The following HDAC5 variants were observed in gnomAD, a reference collection of about 807,000 sequenced individuals.
HDAC5 encodes the protein histone deacetylase 5, also known as antigen NY-CO-9.
Under a neutral mutation model 133.3 loss-of-function variants are expected in HDAC5, and 25 were observed. The ratio of observed to expected loss-of-function variants is 0.19; its 90% CI spans 0.14 to 0.26. The LOEUF is 0.26. HDAC5 is among the 10% of genes least tolerant of loss of function. HDAC5 has a pLI of 1.00. For missense variants in HDAC5, 1,041 were observed against 1,460.5 expected (o/e 0.71, Z 4.68); for synonymous variants, 589 against 610.8 (o/e 0.96, Z 0.53).
At chr17:44,115,288 C>T (rs766504472) in intron 2 of HDAC5, among the ~76,000 whole-genome samples, 2 of 152,174 alleles carry the variant, frequency 1.3e-5, no homozygotes, top group Admixed American at 1.3e-4. Flanking sequence ...AGGTGGGAGG[C>T]GCTCAGGGGC....
chr17:44,078,487 G>C lies in HDAC5; in HGVS notation c.3329+13C>G. On this transcript the variant is annotated intron_variant, in intron 26 of 26. Transcript: ENST00000682912. ...GGGGTGAGGGCAGAGAGGTGGTGCG[G>C]GTTGCTGCTTACCTGGGGCTGTGTT... The C allele has an allele frequency of 1.9e-6, 3 of 1,600,526 alleles. No homozygotes were observed. Among genetic ancestry groups the C allele is most frequent in the Non-Finnish European group, 2.6e-6 (3 of 1,172,360 alleles).
Position 44,085,082 on chromosome 17 carries a change from A to G in HDAC5, c.2124T>C (p.Ala708=). The change falls in exon 15 of 27, where the codon GCT becomes GCC. Residue 708 remains alanine (A), a synonymous_variant. Transcript: ENST00000682912. The part of the protein sequence containing the change: ...CGNTHVHPEH[A]GRIQSIWSRL... ...GGGACCAGATGCTCTGGATCCGGCC[A>G]GCATGCTCAGGGTGCACGTGTGTGT... 1.2e-6 allele frequency: 2 copies of G among 1,603,324 alleles called. No homozygotes were observed. The highest frequency in any genetic ancestry group is 1.7e-6 in the Non-Finnish European group (2 of 1,171,052).
chr17:44,083,830 G>A lies in HDAC5; in HGVS notation c.2330C>T (p.Ala777Val). 6.2e-7 allele frequency: 1 copy of A among 1,607,640 alleles called. No homozygotes were observed. The highest frequency in any genetic ancestry group is 8.5e-7 in the Non-Finnish European group (1 of 1,176,630). ...CCCGATGCCCCCACAAGGCAGCACA[G>A]CATACATCTTCTGGCTGATGGGGCC... ...LLGPISQKMYAVLPCGGIGVD... is the reference protein window; with the variant it reads ...LLGPISQKMYVVLPCGGIGVD... The change falls in exon 17 of 27, where the codon GCT (alanine) becomes GTT (valine). Residue 777 changes from alanine (A) to valine (V), a missense_variant. By Grantham distance (64) the Ala-to-Val change is moderately conservative. Coordinates refer to ENST00000682912, the MANE Select transcript of HDAC5 (RefSeq NM_005474.5).
At chr17:44,080,982 C>T in intron 20 of HDAC5, 100 bp from the exon 21 acceptor site, 1 of 1,529,918 alleles carries the variant, frequency 6.5e-7, no homozygotes, top group Non-Finnish European at 9.0e-7. Flanking sequence ...GCCTGTAATC[C>T]TAGCATTTTG....
intron 20 of HDAC5, chr17:44,081,580 CTTTTTTTTTT>C (rs36005901): frequency 7.9e-6 from 1 of 127,132 alleles, no homozygotes; most frequent in African/African-American, 2.9e-5. Context: ...TCTTTTCTTT[CTTTTTTTTTT>C]TTTTTTGAGA....
chr17:44,090,438 G>A (rs868790870), intron 11 of HDAC5, among the ~76,000 whole-genome samples: 3 of 151,980 alleles, frequency 2.0e-5, no homozygotes, highest in Admixed American at 1.3e-4. Context: ...GCAATGGAGC[G>A]ATCTCGGCTC....
intron 1 of HDAC5, among the ~76,000 whole-genome samples, chr17:44,122,678 C>T (rs548180830): frequency 6.6e-6 from 1 of 152,254 alleles, no homozygotes; most frequent in Non-Finnish European, 1.5e-5. Flanking sequence ...TAATTACTTA[C>T]ACCCAGCCAG....
Position 44,092,709 on chromosome 17 carries a change from C to A in HDAC5, c.739G>T (p.Asp247Tyr). ...SYKLPLPGPY[D>Y]SRDDFPLRKT... Reference sequence around the variant, plus strand: ...CGGAGGGGGAAGTCGTCTCGACTGTCGTAGGGCCCAGGCAAAGGCAGTTTG... The same window carrying A: ...CGGAGGGGGAAGTCGTCTCGACTGTAGTAGGGCCCAGGCAAAGGCAGTTTG... Residue 247 changes from aspartate (D) to tyrosine (Y), a missense_variant, in exon 7 of 27, where the codon GAC becomes TAC. This residue lies in a region of HDAC5 where 56 missense variants were observed against 41.3 expected (regional missense o/e 1.36). Transcript: ENST00000682912. 1 of 1,502,824 alleles carries A rather than the reference C, an allele frequency of 6.7e-7. No individual in the cohort carries two copies. The highest frequency in any genetic ancestry group is 8.9e-7 in the Non-Finnish European group (1 of 1,124,810). 93.1% of individuals were successfully genotyped at this position (1,502,824 alleles called of 1,614,324 possible). A position where few individuals can be genotyped will look rare whatever the true frequency, so the allele number is the denominator to read the frequency against.
chr17:44,097,556 T>G (rs2051346884), intron 3 of HDAC5, among the ~76,000 whole-genome samples: 1 of 152,242 alleles, frequency 6.6e-6, no homozygotes, highest in African/African-American at 2.4e-5. Flanking sequence ...GGCAGCCAGC[T>G]CAGGTCTCCC....
intron 1 of HDAC5, chr17:44,120,335 G>A (rs1291249330): frequency 6.6e-6 from 1 of 152,188 alleles, no homozygotes; most frequent in Non-Finnish European, 1.5e-5. Context: ...CAACACACCT[G>A]CTCTGGCCCC....
intron 14 of HDAC5, 31 bp downstream of exon 14, chr17:44,086,541 C>T: frequency 7.8e-7 from 1 of 1,288,996 alleles, no homozygotes; most frequent in Non-Finnish European, 9.9e-7. Flanking sequence ...TGGTGCCTGG[C>T]AGAAGGACCT....
intron 14 of HDAC5, among the ~76,000 whole-genome samples, chr17:44,085,801 C>T (rs1362051543): frequency 3.3e-5 from 5 of 152,096 alleles, no homozygotes; most frequent in Non-Finnish European, 7.4e-5. Context: ...TGCACCCAAC[C>T]TATTTTTTTA....
chr17:44,082,887 G>A (rs1471909563), intron 18 of HDAC5, 67 bp from the exon 19 acceptor site: 1 of 1,366,088 alleles, frequency 7.3e-7, no homozygotes, highest in Non-Finnish European at 1.0e-6. Flanking sequence ...GGGTAGCACA[G>A]GACAGAAGCA....
intron 11 of HDAC5, among the ~76,000 whole-genome samples, chr17:44,089,933 A>G (rs2050860215): frequency 6.9e-6 from 1 of 145,870 alleles, no homozygotes; most frequent in Non-Finnish European, 1.5e-5. Context: ...TTCTGTCTCA[A>G]AAAAAAAAAA....
intron 11 of HDAC5, among the ~76,000 whole-genome samples, chr17:44,089,747 CAAAAAAAAA>C (rs869263828): frequency 5.9e-4 from 20 of 34,070 alleles, no homozygotes; most frequent in African/African-American, 2.9e-3. Context: ...AACTTCGTCT[CAAAAAAAAA>C]AAAAAAAAAA....
intron 3 of HDAC5, among the ~76,000 whole-genome samples, chr17:44,095,485 G>C (rs557277442): frequency 6.6e-6 from 1 of 152,116 alleles, no homozygotes; most frequent in African/African-American, 2.4e-5. Context: ...CCCTATCTGG[G>C]GCAGACTGGG....
chr17:44,084,840 C>G (rs556952304), intron 15 of HDAC5, among the ~76,000 whole-genome samples, 165 bp from the exon 16 acceptor site: 5 of 152,304 alleles, frequency 3.3e-5, no homozygotes, highest in South Asian at 2.1e-4. Flanking sequence ...GGATCCCCCC[C>G]ACTCAGCTGG....
intron 2 of HDAC5, among the ~76,000 whole-genome samples, chr17:44,116,516 T>G (rs2052653512): frequency 6.6e-6 from 1 of 152,210 alleles, no homozygotes; most frequent in South Asian, 2.1e-4. Flanking sequence ...AAATGGGTAT[T>G]CATCCTAGGC....
At position 44,080,239 on chromosome 17, in the gene HDAC5, G is replaced by A; in HGVS notation, c.2826-14C>T. The A allele has an allele frequency of 6.2e-7, 1 of 1,607,592 alleles. No homozygotes were observed. Among genetic ancestry groups the A allele is most frequent in the African/African-American group, 1.3e-5 (1 of 74,860 alleles). ...ATCACCACTGTCCTGCAAAGGGATG[G>A]CTCAAGCTGAGCCCGGCAGATGACC... On this transcript the variant is annotated splice_polypyrimidine_tract_variant and intron_variant, in intron 22 of 26. Transcript: ENST00000682912.
Sources: gnomAD v4.1 joint callset for allele counts (sites outside exome capture counted in the v4.1 genomes callset) on GRCh38, gnomAD v4.1.1 for gene constraint, gnomAD v4.1.1 regional missense constraint, MANE v1.5 for transcripts, NCBI Gene and HGNC (gene_info 2026-07-23, HGNC 2026-07-21) for gene names.